The following TENM3 variants were observed in gnomAD, a reference collection of about 807,000 sequenced individuals.
TENM3 encodes teneurin-3.
Under a neutral mutation model 255.1 loss-of-function variants are expected in TENM3, and 63 were observed. The ratio of observed to expected loss-of-function variants is 0.25; its 90% CI spans 0.20 to 0.30. TENM3 has a LOEUF of 0.30. Ranked by LOEUF, TENM3 falls within the 10% of genes least tolerant of loss-of-function variation. TENM3 has a pLI of 1.00. For synonymous variants in TENM3, 1,306 were observed against 1,322.3 expected (o/e 0.99, Z 0.27); for missense variants, 2,929 against 3,461.1 (o/e 0.85, Z 3.86).
intron 1 of TENM3, among the ~76,000 whole-genome samples, chr4:182,287,541 A>G (rs1329828313): frequency 6.6e-6 from 1 of 152,188 alleles, no homozygotes; most frequent in African/African-American, 2.4e-5. Context: ...GCCTAGGACA[A>G]GTAGTTGTCC....
At chr4:182,084,677 C>T in the TENM3 span, among the ~76,000 whole-genome samples, 2 of 152,022 alleles carry the variant, frequency 1.3e-5, no homozygotes, top group Non-Finnish European at 2.9e-5. Context: ...TAAGTAGATG[C>T]TGACTATCAT....
chr4:182,762,579 AAT>A (rs1295050770), intron 22 of TENM3, among the ~76,000 whole-genome samples: 2 of 152,316 alleles, frequency 1.3e-5, no homozygotes, highest in Non-Finnish European at 2.9e-5. Context: ...TTCCTCTGAC[AAT>A]AAAATAAAAG....
intron 4 of TENM3, among the ~76,000 whole-genome samples, chr4:182,610,556 G>A (rs1283698897): frequency 6.6e-6 from 1 of 152,006 alleles, no homozygotes; most frequent in Admixed American, 6.6e-5. Flanking sequence ...GGTAGCATGT[G>A]CCTATAGCCC....
intron 5 of TENM3, among the ~76,000 whole-genome samples, chr4:182,629,222 T>C (rs1370159499): frequency 6.6e-6 from 1 of 152,164 alleles, no homozygotes; most frequent in Non-Finnish European, 1.5e-5. Context: ...TAATGAACCC[T>C]GTGCAGGATT....
At chr4:181,764,069 A>T in the TENM3 span, among the ~76,000 whole-genome samples, 2 of 152,222 alleles carry the variant, frequency 1.3e-5, no homozygotes, top group East Asian at 3.8e-4. Flanking sequence ...GAACAATTCA[A>T]ACTTGACTCG....
In TENM3 at chr4:182,287,907, G is replaced by A. The variant is rs142889833; in HGVS notation, c.-75-36039G>A. On this transcript the variant is annotated intron_variant, in intron 1 of 27. Coordinates refer to ENST00000511685, the MANE Select transcript of TENM3 (RefSeq NM_001080477.4). ...GCTGGGATTACAGGCGTGAGGTACC[G>A]TGCCTGGCATATTTTTGTTTGTTTG... Among the ~76,000 whole-genome samples the A allele has an allele frequency of 8.4e-3, 1,266 of 151,168 alleles. 23 individuals carry two copies. Among genetic ancestry groups the A allele is most frequent in the African/African-American group, 0.028 (1,147 of 41,194 alleles).
intron 19 of TENM3, among the ~76,000 whole-genome samples, chr4:182,746,425 A>G (rs1241801980): frequency 1.3e-5 from 2 of 152,168 alleles, no homozygotes; most frequent in African/African-American, 4.8e-5. Flanking sequence ...ACTGGGGGAG[A>G]GCTGAGCAAG....
At chr4:182,463,625 ATT>A (rs35176681) in intron 3 of TENM3, among the ~76,000 whole-genome samples, 13,495 of 144,402 alleles carry the variant, frequency 0.093, 648 homozygotes, top group Admixed American at 0.097. Context: ...CGCCTGGCTA[ATT>A]TTTTTTTTTT....
chr4:182,612,325 G>T (rs1749083774), intron 4 of TENM3, among the ~76,000 whole-genome samples: 1 of 150,292 alleles, frequency 6.7e-6, no homozygotes, highest in Non-Finnish European at 1.5e-5. Context: ...GCGAAACATT[G>T]TGCAGAATAT....
the TENM3 span, among the ~76,000 whole-genome samples, chr4:181,912,074 T>C: frequency 1.3e-5 from 2 of 152,188 alleles, no homozygotes; most frequent in African/African-American, 4.8e-5. Context: ...AGTACTTTAA[T>C]AAAAGCAGAG....
At position 182,799,895 on chromosome 4, in the gene TENM3, C is replaced by T. The variant is rs761281664; in HGVS notation, c.7644C>T (p.Tyr2548=). The part of the protein sequence containing the change: ...HFTIEGKDTH[Y]FIKTTTPESD... ...CCATCGAGGGCAAGGACACGCACTA[C>T]TTCATCAAGACCACCACGCCCGAGA... Residue 2548 remains tyrosine, a synonymous_variant, in exon 28 of 28, where the codon TAC becomes TAT. Transcript: ENST00000511685. The surrounding 1 kb of genome is among the most constrained non-coding windows in gnomAD (Gnocchi z 4.2). The T allele has an allele frequency of 1.6e-5, 25 of 1,609,652 alleles. No homozygotes were observed. The East Asian group carries it at 4.7e-4, about 30-fold the overall frequency.
chr4:182,182,728 A>G (rs1299898489), intron 1 of TENM3, among the ~76,000 whole-genome samples: 2 of 152,184 alleles, frequency 1.3e-5, no homozygotes, highest in Non-Finnish European at 2.9e-5. Flanking sequence ...ATGAACCTCT[A>G]TCTTTACCCC....
chr4:182,718,203 A>T (rs1759366708), intron 13 of TENM3, among the ~76,000 whole-genome samples: 1 of 152,164 alleles, frequency 6.6e-6, no homozygotes, highest in African/African-American at 2.4e-5. Context: ...AGCTTATATA[A>T]CTGAAAAATT....
At chr4:182,471,144 T>A (rs1355682846) in intron 3 of TENM3, among the ~76,000 whole-genome samples, 2 of 152,196 alleles carry the variant, frequency 1.3e-5, no homozygotes, top group Admixed American at 6.5e-5. Flanking sequence ...TAAAACATGT[T>A]TAATTATCCT....
chr4:182,450,310 T>A (rs1449137735), intron 3 of TENM3, among the ~76,000 whole-genome samples: 1 of 152,332 alleles, frequency 6.6e-6, no homozygotes, highest in East Asian at 1.9e-4. Context: ...AGAGAAGGCA[T>A]TTAAGAAATC....
the TENM3 span, among the ~76,000 whole-genome samples, chr4:181,988,773 CA>C: frequency 6.6e-6 from 1 of 151,300 alleles, no homozygotes; most frequent in African/African-American, 2.4e-5. Flanking sequence ...AGTAGATACC[CA>C]AAAAGGGGCC....
intron 1 of TENM3, among the ~76,000 whole-genome samples, chr4:182,292,176 A>G (rs151307602): frequency 6.9e-4 from 105 of 152,278 alleles, no homozygotes; most frequent in Non-Finnish European, 1.2e-3. Context: ...TGCTATAAAG[A>G]TTTATTGTAA....
At chr4:182,528,785 G>T (rs28375931) in intron 3 of TENM3, among the ~76,000 whole-genome samples, 5,469 of 152,214 alleles carry the variant, frequency 0.036, 213 homozygotes, top group African/African-American at 0.095. Context: ...AACAGTAGTA[G>T]CCCATAAGTT....
chr4:182,241,365 A>G (rs955063298), upstream of TENM3, among the ~76,000 whole-genome samples: 1 of 152,192 alleles, frequency 6.6e-6, no homozygotes, highest in Non-Finnish European at 1.5e-5. Context: ...AACAAAAAAG[A>G]CATGCCTTCA....
Sources: allele counts gnomAD v4.1 joint callset (sites outside exome capture counted in the v4.1 genomes callset), GRCh38; gene constraint gnomAD v4.1.1; non-coding constraint Gnocchi (gnomAD v3.1); transcripts MANE v1.5; gene names NCBI Gene and HGNC (gene_info 2026-07-23, HGNC 2026-07-21).